Variants in PPP3CA observed in about 807,000 individuals in gnomAD.
The protein encoded by PPP3CA is CAM-PRP catalytic subunit.
Under a neutral mutation model 66.5 loss-of-function variants are expected in PPP3CA, and 14 were observed. The ratio of observed to expected loss-of-function variants is 0.21; its 90% CI spans 0.14 to 0.33. The LOEUF (loss-of-function observed/expected upper bound fraction) is 0.33. PPP3CA is among the 10% of genes least tolerant of loss of function. The probability of loss-of-function intolerance (pLI) is 1.00; values close to 1 mark genes in which losing one functional copy is unlikely to be tolerated. For missense variants in PPP3CA, 317 were observed against 639.5 expected (o/e 0.50, Z 5.44); for synonymous variants, 232 against 226.2 (o/e 1.03, Z -0.23).
At chr4:101,088,171 AGCCTG>A (rs1284605724) in intron 6 of PPP3CA, among the ~76,000 whole-genome samples, 11 of 152,010 alleles carry the variant, frequency 7.2e-5, no homozygotes, top group Non-Finnish European at 1.5e-4. Context: ...TGTGTGTAAT[AGCCTG>A]CACATTTATA....
intron 1 of PPP3CA, among the ~76,000 whole-genome samples, chr4:101,320,026 C>T (rs1367708314): frequency 6.6e-6 from 1 of 152,060 alleles, no homozygotes; most frequent in Non-Finnish European, 1.5e-5. Flanking sequence ...AATTTCCATA[C>T]GAGTCAGTGA....
intron 1 of PPP3CA, among the ~76,000 whole-genome samples, chr4:101,320,465 T>TATGC (rs1365474772): frequency 7.6e-6 from 1 of 131,710 alleles, no homozygotes; most frequent in African/African-American, 3.2e-5. Context: ...TGTATGTATG[T>TATGC]ATGTATGTAT....
intron 3 of PPP3CA, among the ~76,000 whole-genome samples, chr4:101,108,386 C>A (rs187792626): frequency 6.6e-6 from 1 of 152,136 alleles, no homozygotes; most frequent in African/African-American, 2.4e-5. Flanking sequence ...TAAAGCAAAA[C>A]GTAATTTTTG....
chr4:101,033,513 T>C (rs1316576710), intron 11 of PPP3CA, among the ~76,000 whole-genome samples: 1 of 152,182 alleles, frequency 6.6e-6, no homozygotes, highest in Non-Finnish European at 1.5e-5. Flanking sequence ...TTTAACTCTT[T>C]TCATCCTAAT....
In PPP3CA at chr4:101,115,919, G is replaced by A. The variant is rs1435599961; in HGVS notation, c.260-6841C>T. On this transcript the variant is annotated intron_variant, in intron 2 of 13. Coordinates refer to ENST00000394854, the MANE Select transcript of PPP3CA (RefSeq NM_000944.5). Reference sequence around the variant, plus strand: ...GAAAATTAGGTTGTCTGGGGACAGAGGAGTATGTTGTTAAAAATTGTGAAA... The same window carrying A: ...GAAAATTAGGTTGTCTGGGGACAGAAGAGTATGTTGTTAAAAATTGTGAAA... Among the ~76,000 whole-genome samples the A allele has an allele frequency of 3.3e-5, 5 of 152,002 alleles. No individual in the cohort carries two copies. In the South Asian group the frequency reaches 6.2e-4, roughly 19 times the overall value.
chr4:101,049,378 C>CA (rs1230827782), intron 10 of PPP3CA, among the ~76,000 whole-genome samples: 1 of 151,866 alleles, frequency 6.6e-6, no homozygotes, highest in Non-Finnish European at 1.5e-5. Context: ...TAATATTTAC[C>CA]AAGGAAGCAA....
chr4:101,210,090 T>C (rs28717043), intron 1 of PPP3CA, among the ~76,000 whole-genome samples: 7,752 of 152,226 alleles, frequency 0.051, 600 homozygotes, highest in African/African-American at 0.17. Flanking sequence ...CAAAAGAGTC[T>C]GTGACCCAAA....
At chr4:101,135,323 G>A (rs766653887) in intron 2 of PPP3CA, among the ~76,000 whole-genome samples, 30 of 151,848 alleles carry the variant, frequency 2.0e-4, no homozygotes, top group East Asian at 1.2e-3. Flanking sequence ...AATTTTAGTC[G>A]TTGGTACATG....
intron 1 of PPP3CA, among the ~76,000 whole-genome samples, chr4:101,262,997 C>T (rs1426672153): frequency 6.6e-6 from 1 of 152,068 alleles, no homozygotes; most frequent in Admixed American, 6.6e-5. Flanking sequence ...CCAATAGAAT[C>T]CACAGCAGCT....
At chr4:101,271,887 T>C (rs1270315543) in intron 1 of PPP3CA, among the ~76,000 whole-genome samples, 1 of 152,212 alleles carries the variant, frequency 6.6e-6, no homozygotes, top group Non-Finnish European at 1.5e-5. Context: ...GGTGAATAAA[T>C]GTCTATGTTG....
chr4:101,230,931 C>T (rs900064435), intron 1 of PPP3CA, among the ~76,000 whole-genome samples: 1 of 151,678 alleles, frequency 6.6e-6, no homozygotes, highest in Admixed American at 6.6e-5. Context: ...CTTTTCCCTC[C>T]TCATCTAGGA....
At chr4:101,233,345 A>T (rs1338447872) in intron 1 of PPP3CA, among the ~76,000 whole-genome samples, 1 of 151,770 alleles carries the variant, frequency 6.6e-6, no homozygotes, top group African/African-American at 2.4e-5. Flanking sequence ...GGGCAAATGG[A>T]ACCAACTGCT....
At chr4:101,138,143 T>C (rs1336238048) in intron 2 of PPP3CA, among the ~76,000 whole-genome samples, 1 of 152,206 alleles carries the variant, frequency 6.6e-6, no homozygotes, top group Admixed American at 6.5e-5. Context: ...GGCACTACCA[T>C]AACATATTCT....
At chr4:101,280,920 T>C (rs2110277824) in intron 1 of PPP3CA, among the ~76,000 whole-genome samples, 1 of 151,680 alleles carries the variant, frequency 6.6e-6, no homozygotes, top group Admixed American at 6.6e-5. Context: ...GAAGGGGGCA[T>C]TCCAATGGTT....
rs531566013 is a variant in PPP3CA, at chr4:101,241,034, A to G, written c.59-44918T>C. Among the ~76,000 whole-genome samples, 17 of 152,008 alleles carry G rather than the reference A, an allele frequency of 1.1e-4. No homozygotes were observed. In the East Asian group the frequency reaches 3.3e-3, roughly 30 times the overall value. On this transcript the variant is annotated intron_variant, in intron 1 of 13. Transcript: ENST00000394854. Reference sequence around the variant, plus strand: ...AGGTGCGCACTACCACAGCTGGCTAATTTTTAATTTTTTGTAGAGACAGCG... The same window carrying G: ...AGGTGCGCACTACCACAGCTGGCTAGTTTTTAATTTTTTGTAGAGACAGCG...
Position 101,219,268 on chromosome 4 carries a change from T to C in PPP3CA, c.59-23152A>G, listed in dbSNP as rs552983593. 2.0e-5 allele frequency among the ~76,000 whole-genome samples: 3 copies of C among 152,140 alleles called. No individual in the cohort carries two copies. In the South Asian group the frequency reaches 6.2e-4, roughly 31 times the overall value. ...ACTTAATAGTTAACAGATTGCATGC[T>C]TCACAATTTAATAAAATCTATTCTC... On this transcript the variant is annotated intron_variant, in intron 1 of 13. Transcript: ENST00000394854.
chr4:101,326,801 A>C (rs1729222828), intron 1 of PPP3CA, among the ~76,000 whole-genome samples: 1 of 152,196 alleles, frequency 6.6e-6, no homozygotes, highest in Non-Finnish European at 1.5e-5. Context: ...CACTCCCTTC[A>C]TTTACAAACA....
intron 1 of PPP3CA, among the ~76,000 whole-genome samples, chr4:101,285,357 T>C (rs1362437973): frequency 6.6e-6 from 1 of 151,946 alleles, no homozygotes; most frequent in African/African-American, 2.4e-5. Context: ...TTGCTTATAC[T>C]TTCCCTGCTA....
At chr4:101,153,019 A>G (rs1429734659) in intron 2 of PPP3CA, among the ~76,000 whole-genome samples, 1 of 152,216 alleles carries the variant, frequency 6.6e-6, no homozygotes, top group African/African-American at 2.4e-5. Flanking sequence ...ATTAAATGTT[A>G]GGTATCTAGT....
Sources: gnomAD v4.1 joint callset for allele counts (sites outside exome capture counted in the v4.1 genomes callset) on GRCh38, gnomAD v4.1.1 for gene constraint, MANE v1.5 for transcripts, NCBI Gene and HGNC (gene_info 2026-07-23, HGNC 2026-07-21) for gene names.